Variants in CLIC4 observed in about 807,000 individuals in gnomAD.
The protein encoded by CLIC4 is chloride intracellular channel protein 4.
A neutral mutation model predicts 24.6 loss-of-function variants in CLIC4; 13 were observed. The ratio of observed to expected loss-of-function variants is 0.53; its 90% CI spans 0.34 to 0.84. The LOEUF is 0.84. Among genes scored for constraint, CLIC4 ranks in the 40% least tolerant of loss-of-function variants. CLIC4 has a pLI of 0.01. For synonymous variants in CLIC4, 104 were observed against 111.3 expected (o/e 0.93, Z 0.41); for missense variants, 227 against 301.7 (o/e 0.75, Z 1.83).
intron 3 of CLIC4, among the ~76,000 whole-genome samples, chr1:24,822,611 A>G (rs1474998554): frequency 6.6e-6 from 1 of 152,152 alleles, no homozygotes; most frequent in Non-Finnish European, 1.5e-5. Context: ...TGCTGGGATT[A>G]CAGGTGTGAG....
chr1:24,844,053 G>A lies in CLIC4; in HGVS notation c.*3116G>A, dbSNP rs1182059601. ...ACTCCATCCTTTATAAATAGTCAAG[G>A]TTTGGGCCACACAAAGTATATTTTT... On this transcript the variant is annotated 3_prime_UTR_variant, in exon 6 of 6. Transcript: ENST00000374379. 5 of 152,390 alleles carry A rather than the reference G, an allele frequency of 3.3e-5. No homozygotes were observed. Among genetic ancestry groups the A allele is most frequent in the African/African-American group, 1.2e-4 (5 of 41,368 alleles). The allele number at this position is 152,390 out of a possible 1,614,324, so 9.4% of individuals were successfully genotyped here. A position where few individuals can be genotyped will look rare whatever the true frequency, so the allele number is the denominator to read the frequency against.
intron 2 of CLIC4, among the ~76,000 whole-genome samples, chr1:24,810,500 G>A (rs1037492826): frequency 3.3e-5 from 5 of 152,002 alleles, no homozygotes; most frequent in African/African-American, 1.2e-4. Flanking sequence ...ATTATTGAAG[G>A]CCTCAAACAG....
chr1:24,782,873 A>T (rs984033945), intron 1 of CLIC4, among the ~76,000 whole-genome samples: 1 of 152,114 alleles, frequency 6.6e-6, no homozygotes, highest in Non-Finnish European at 1.5e-5. Flanking sequence ...TAGCTACTGC[A>T]GAGGCTGTGG....
intron 1 of CLIC4, among the ~76,000 whole-genome samples, chr1:24,753,315 A>G (rs2124079784): frequency 6.6e-6 from 1 of 152,240 alleles, no homozygotes; most frequent in East Asian, 1.9e-4. Context: ...GCTAATACTG[A>G]GTTAAGTACT....
chr1:24,792,460 G>A (rs1191335330), intron 1 of CLIC4, among the ~76,000 whole-genome samples: 1 of 152,014 alleles, frequency 6.6e-6, no homozygotes, highest in Non-Finnish European at 1.5e-5. Flanking sequence ...CCAAAGTGTT[G>A]GGATTACGGG....
intron 2 of CLIC4, among the ~76,000 whole-genome samples, chr1:24,807,369 C>T (rs542992947): frequency 2.5e-4 from 38 of 151,268 alleles, no homozygotes; most frequent in Admixed American, 2.0e-3. Context: ...CTTTTTAATT[C>T]TCAGCAAGGC....
chr1:24,787,694 C>A (rs1200205551), intron 1 of CLIC4, among the ~76,000 whole-genome samples: 4 of 151,466 alleles, frequency 2.6e-5, no homozygotes, highest in African/African-American at 9.7e-5. Context: ...TGCCACCACG[C>A]CAGGCTAATT....
chr1:24,762,422 G>GA (rs985449925), intron 1 of CLIC4, among the ~76,000 whole-genome samples: 1 of 151,942 alleles, frequency 6.6e-6, no homozygotes, highest in East Asian at 1.9e-4. Flanking sequence ...TCTCTCTAAA[G>GA]AAAAAAACAA....
At chr1:24,773,186 T>G (rs1046323374) in intron 1 of CLIC4, among the ~76,000 whole-genome samples, 2 of 152,234 alleles carry the variant, frequency 1.3e-5, no homozygotes, top group African/African-American at 4.8e-5. Flanking sequence ...AAGAAAAAAC[T>G]TTCTGCAGAA....
chr1:24,810,540 T>C (rs2124148220), intron 2 of CLIC4, among the ~76,000 whole-genome samples: 1 of 152,294 alleles, frequency 6.6e-6, no homozygotes, highest in Admixed American at 6.5e-5. Context: ...TATCTACCTA[T>C]TTTACTATAT....
intron 4 of CLIC4, among the ~76,000 whole-genome samples, chr1:24,838,648 C>T (rs1380517716): frequency 6.6e-6 from 1 of 152,070 alleles, no homozygotes; most frequent in Non-Finnish European, 1.5e-5. Flanking sequence ...CCACAATCAT[C>T]TGTGTAAGTT....
At position 24,778,480 on chromosome 1, in the gene CLIC4, A is replaced by T. The variant is rs1301908738; in HGVS notation, c.73-19262A>T. Among the ~76,000 whole-genome samples the T allele has an allele frequency of 3.3e-5, 5 of 152,326 alleles. No individual in the cohort carries two copies. In the East Asian group the frequency reaches 9.6e-4, roughly 29 times the overall value. Reference sequence around the variant, plus strand: ...TGTAGTTGATACTTATAGGGAATATAATCAAGGTAGATCCAGACTAGGAAA... The same window carrying T: ...TGTAGTTGATACTTATAGGGAATATTATCAAGGTAGATCCAGACTAGGAAA... On this transcript the variant is annotated intron_variant, in intron 1 of 5. Coordinates refer to ENST00000374379, the MANE Select transcript of CLIC4 (RefSeq NM_013943.3).
Position 24,842,406 on chromosome 1 carries a change from A to G in CLIC4, c.*1469A>G, listed in dbSNP as rs1557818212. The G allele has an allele frequency of 6.6e-6, 1 of 152,284 alleles. No individual in the cohort carries two copies. Among genetic ancestry groups the G allele is most frequent in the South Asian group, 2.1e-4 (1 of 4,830 alleles). 9.4% of individuals were successfully genotyped at this position (152,284 alleles called of 1,614,324 possible). The stretch of plus-strand genomic sequence containing the variant: ...ATAATACATTTTTGGTAATTTTTTT[A>G]TACCTAATTTGTATAGGAAGTGCTA... On this transcript the variant is annotated 3_prime_UTR_variant, in exon 6 of 6. Coordinates refer to ENST00000374379, the MANE Select transcript of CLIC4 (RefSeq NM_013943.3).
chr1:24,748,130 C>A (rs1425870694), intron 1 of CLIC4, among the ~76,000 whole-genome samples: 1 of 151,984 alleles, frequency 6.6e-6, no homozygotes, highest in Admixed American at 6.6e-5. Context: ...AATTAAGTAT[C>A]TGAATTAGGA....
At chr1:24,816,693 G>C (rs1289477041) in intron 3 of CLIC4, among the ~76,000 whole-genome samples, 1 of 152,204 alleles carries the variant, frequency 6.6e-6, no homozygotes, top group Non-Finnish European at 1.5e-5. Context: ...ATGGACTGCA[G>C]AATGGATGTT....
At chr1:24,804,149 T>C (rs1639520137) in intron 2 of CLIC4, among the ~76,000 whole-genome samples, 1 of 152,014 alleles carries the variant, frequency 6.6e-6, no homozygotes, top group Non-Finnish European at 1.5e-5. Context: ...GAATGACACA[T>C]GCCAAGAGAC....
chr1:24,835,954 T>C (rs1005914843), intron 4 of CLIC4, among the ~76,000 whole-genome samples: 4 of 152,168 alleles, frequency 2.6e-5, no homozygotes, highest in African/African-American at 4.8e-5. Context: ...CAATGTTGCT[T>C]ATGTACAAGA....
At chr1:24,755,019 C>T (rs1487650985) in intron 1 of CLIC4, among the ~76,000 whole-genome samples, 3 of 147,462 alleles carry the variant, frequency 2.0e-5, no homozygotes, top group Admixed American at 1.4e-4. Flanking sequence ...TTGCAGTGAG[C>T]TGAGATTGTG....
rs1639945645 is a variant in CLIC4, at chr1:24,841,719, A to G, written c.*782A>G. 4 of 152,568 alleles carry G rather than the reference A, an allele frequency of 2.6e-5. No homozygotes were observed. The highest frequency in any genetic ancestry group is 2.0e-4 in the Admixed American group (3 of 15,272). 9.5% of individuals were successfully genotyped at this position (152,568 alleles called of 1,614,324 possible). On this transcript the variant is annotated 3_prime_UTR_variant, in exon 6 of 6. Coordinates refer to ENST00000374379, the MANE Select transcript of CLIC4 (RefSeq NM_013943.3). ...TACTCTGTCTAAATACGTTTGTTAT[A>G]TGTGTTTTGCCCTGTGCCATTCATT... is the stretch of plus-strand genomic sequence containing the variant.
Sources: allele counts gnomAD v4.1 joint callset (sites outside exome capture counted in the v4.1 genomes callset), GRCh38; gene constraint gnomAD v4.1.1; transcripts MANE v1.5; gene names NCBI Gene and HGNC (gene_info 2026-07-23, HGNC 2026-07-21).